The following MAD2L2 variants were observed in gnomAD, a reference collection of about 807,000 sequenced individuals.
The protein encoded by MAD2L2 is mitotic arrest deficient 2 like 2.
A neutral mutation model predicts 30.5 loss-of-function variants in MAD2L2; 17 were observed. The observed-to-expected ratio is 0.56, with a 90% confidence interval of 0.38 to 0.84. The LOEUF (loss-of-function observed/expected upper bound fraction) is 0.84. MAD2L2 is among the 40% of genes least tolerant of loss of function. The pLI is 0.00. For missense variants in MAD2L2, 213 were observed against 277.4 expected (o/e 0.77, Z 1.65); for synonymous variants, 101 against 113.9 (o/e 0.89, Z 0.72).
Position 11,675,737 on chromosome 1 carries a change from G to C in MAD2L2, c.428-6C>G. On this transcript the variant is annotated splice_region_variant and splice_polypyrimidine_tract_variant and intron_variant, in intron 6 of 8. Transcript: ENST00000376692. ...CAGGACTGTGAAGGTACAGCCTGGA[G>C]AGGCAAGAGGTTGGTGGAGGCTCCC... The C allele has an allele frequency of 6.2e-7, 1 of 1,613,726 alleles. No individual in the cohort carries two copies. Among genetic ancestry groups the C allele is most frequent in the Non-Finnish European group, 8.5e-7 (1 of 1,179,750 alleles).
intron 3 of MAD2L2, among the ~76,000 whole-genome samples, chr1:11,678,749 A>C (rs28924102): frequency 0.21 from 31,381 of 152,070 alleles, 4,667 homozygotes; most frequent in African/African-American, 0.42. Flanking sequence ...TGGATAAACC[A>C]ATCAAATATC....
chr1:11,676,213 G>C lies in MAD2L2; in HGVS notation c.333-73C>G. 3.0e-6 allele frequency: 3 copies of C among 985,900 alleles called. No individual in the cohort carries two copies. In the South Asian group the frequency reaches 4.7e-5, roughly 15 times the overall value. 61.1% of individuals were successfully genotyped at this position (985,900 alleles called of 1,614,324 possible). A position where few individuals can be genotyped will look rare whatever the true frequency, so the allele number is the denominator to read the frequency against. On this transcript the variant is annotated intron_variant, in intron 5 of 8. Coordinates refer to ENST00000376692, the MANE Select transcript of MAD2L2 (RefSeq NM_006341.4). ...ACCACAGGCATCAAGCCTGGATGCA[G>C]ACCTGGGGTACAAGACCCCCTCCAG...
At chr1:11,680,720 G>A (rs1640859876) in intron 1 of MAD2L2, 107 bp from the exon 2 acceptor site, 12 of 1,460,768 alleles carry the variant, frequency 8.2e-6, no homozygotes, top group Non-Finnish European at 1.1e-5. Flanking sequence ...AACTGGGGAA[G>A]GACCTCCCGC....
chr1:11,686,547 T>A lies in MAD2L2; in HGVS notation c.-691-4531A>T, dbSNP rs773020428. ...TCCCAAAGCTCTGGGATTACTGGCA[T>A]AAGCCACCGCGCCTAGCTAATTTTT... is the stretch of plus-strand genomic sequence containing the variant. On this transcript the variant is annotated intron_variant, in intron 1 of 10. Coordinates refer to the MAD2L2 transcript ENST00000235310. Among the ~76,000 whole-genome samples, 3 of 152,300 alleles carry A rather than the reference T, an allele frequency of 2.0e-5. No homozygotes were observed. In the East Asian group the frequency reaches 5.8e-4, roughly 29 times the overall value.
In MAD2L2 at chr1:11,677,280, G is replaced by A. The variant is rs886710081; in HGVS notation, c.231+263C>T. On this transcript the variant is annotated intron_variant, in intron 4 of 8. Coordinates refer to ENST00000376692, the MANE Select transcript of MAD2L2 (RefSeq NM_006341.4). ...AGGGGACGGATGTGAGAAGAACCCC[G>A]AACCCTCTGGGGCAGCCCCTACTTA... The A allele has an allele frequency of 5.5e-4, 328 of 595,946 alleles. 1 individual carries two copies. Among genetic ancestry groups the A allele is most frequent in the African/African-American group, 2.2e-3 (121 of 53,824 alleles). The allele number at this position is 595,946 out of a possible 1,614,324, so 36.9% of individuals were successfully genotyped here. A position where few individuals can be genotyped will look rare whatever the true frequency, so the allele number is the denominator to read the frequency against.
Position 11,674,653 on chromosome 1 carries a change from G to T in MAD2L2, c.*122C>A. On this transcript the variant is annotated 3_prime_UTR_variant, in exon 9 of 9. Coordinates refer to ENST00000376692, the MANE Select transcript of MAD2L2 (RefSeq NM_006341.4). This position sits in a 1 kb window ranked among gnomAD's most constrained non-coding sequence, Gnocchi z 6.1. ...GACCTGAGCGGCCCCGGGCTGGGGC[G>T]GGCGATCCACACACAGAGGCGATAA... 1 of 1,064,074 alleles carries T rather than the reference G, an allele frequency of 9.4e-7. No homozygotes were observed. The highest frequency in any genetic ancestry group is 1.4e-6 in the Non-Finnish European group (1 of 705,990). The allele number at this position is 1,064,074 out of a possible 1,614,324, so 65.9% of individuals were successfully genotyped here. A position where few individuals can be genotyped will look rare whatever the true frequency, so the allele number is the denominator to read the frequency against.
upstream of MAD2L2, among the ~76,000 whole-genome samples, chr1:11,683,257 G>A (rs1232233020): frequency 2.0e-5 from 3 of 152,076 alleles, no homozygotes; most frequent in Non-Finnish European, 2.9e-5. Flanking sequence ...AACACAATAC[G>A]AGCCACCCGT....
chr1:11,688,584 CA>C lies in MAD2L2; in HGVS notation c.-692+2828del, dbSNP rs1641004603. Among the ~76,000 whole-genome samples, 1 of 151,784 alleles carries C rather than the reference CA, an allele frequency of 6.6e-6. No individual in the cohort carries two copies. The highest frequency in any genetic ancestry group is 2.1e-4 in the South Asian group (1 of 4,822). ...TCAAAAAAAAAAAAGAAAAAGCAAT[CA>C]GCAAACCTGCTAAAAACCTAAGTCG... On this transcript the variant is annotated intron_variant, in intron 1 of 10. Transcript: ENST00000235310. This position sits in a 1 kb window ranked among gnomAD's most constrained non-coding sequence, Gnocchi z 4.6.
Position 11,675,644 on chromosome 1 carries a change from C to T in MAD2L2, c.501+14G>A. ...CTAGAGCCTGCGCCCAGACCCAGAC[C>T]CATCTCATCTCACCTTGATGACCTG... On this transcript the variant is annotated intron_variant, in intron 7 of 8. Transcript: ENST00000376692. 1 of 1,613,492 alleles carries T rather than the reference C, an allele frequency of 6.2e-7. No homozygotes were observed. Among genetic ancestry groups the T allele is most frequent in the Admixed American group, 1.7e-5 (1 of 60,016 alleles).
At chr1:11,684,194 G>A (rs539243288), upstream of MAD2L2, among the ~76,000 whole-genome samples, 11 of 152,124 alleles carry the variant, frequency 7.2e-5, no homozygotes, top group Non-Finnish European at 1.6e-4. Flanking sequence ...GCAGGGGGCC[G>A]AGTCAGCATG....
At chr1:11,686,923 A>C (rs911612506) in intron 1 of MAD2L2, among the ~76,000 whole-genome samples, 5 of 151,986 alleles carry the variant, frequency 3.3e-5, no homozygotes, top group African/African-American at 1.2e-4. Flanking sequence ...AATGTTGTAC[A>C]TCGCTACTCT....
Position 11,677,206 on chromosome 1 carries a change from A to G in MAD2L2, c.232-258T>C, listed in dbSNP as rs146770353. 685 of 604,190 alleles carry G rather than the reference A, an allele frequency of 1.1e-3. 4 individuals are homozygous for G. Among genetic ancestry groups the G allele is most frequent in the African/African-American group, 0.011 (590 of 54,066 alleles). 37.4% of individuals were successfully genotyped at this position (604,190 alleles called of 1,614,324 possible). A position where few individuals can be genotyped will look rare whatever the true frequency, so the allele number is the denominator to read the frequency against. On this transcript the variant is annotated intron_variant, in intron 4 of 8. Transcript: ENST00000376692. ...AGTCTGAGATCAGGACTAGATGGGG[A>G]AGAAACCCTGAGGGGCTCAGCTCAG...
intron 1 of MAD2L2, 129 bp downstream of exon 1, chr1:11,680,906 AGCGG>A: frequency 1.7e-6 from 1 of 592,198 alleles, no homozygotes; most frequent in South Asian, 6.9e-5. Context: ...AGAGGGAAAC[AGCGG>A]GATGCCCAGG....
chr1:11,678,979 C>A (rs544291839), intron 3 of MAD2L2, among the ~76,000 whole-genome samples: 63 of 152,238 alleles, frequency 4.1e-4, no homozygotes, highest in African/African-American at 1.5e-3. Context: ...GCCTGGCCAA[C>A]ACGGCGAAAC....
upstream of MAD2L2, among the ~76,000 whole-genome samples, chr1:11,683,970 C>A (rs1268106317): frequency 6.6e-6 from 1 of 152,026 alleles, no homozygotes; most frequent in Non-Finnish European, 1.5e-5. Context: ...AGAACTCCAT[C>A]TCAAAAAAAC....
chr1:11,680,512 C>G (rs1640855054), intron 2 of MAD2L2, 41 bp from the exon 3 acceptor site: 1 of 1,610,988 alleles, frequency 6.2e-7, no homozygotes, highest in Non-Finnish European at 8.5e-7. Flanking sequence ...CGAGGAAGCC[C>G]GCCGGCCCAG....
At chr1:11,686,807 TAAAAAA>T (rs560855200) in intron 1 of MAD2L2, among the ~76,000 whole-genome samples, 2 of 104,490 alleles carry the variant, frequency 1.9e-5, no homozygotes, top group African/African-American at 3.4e-5. Context: ...ACTGCCACTT[TAAAAAA>T]AAAAAAAAAA....
At chr1:11,691,594 C>T (rs1641068817) in exon 1 of MAD2L2, 6 of 151,430 alleles carry the variant, frequency 4.0e-5, no homozygotes, top group Admixed American at 3.3e-4. Flanking sequence ...CCGGGCCCGG[C>T]CCCGGGGCTG....
At position 11,688,805 on chromosome 1, in the gene MAD2L2, G is replaced by A. The variant is rs750774538; in HGVS notation, c.-692+2608C>T. Among the ~76,000 whole-genome samples, 1 of 152,154 alleles carries A rather than the reference G, an allele frequency of 6.6e-6. No individual in the cohort carries two copies. The highest frequency in any genetic ancestry group is 2.1e-4 in the South Asian group (1 of 4,832). On this transcript the variant is annotated intron_variant, in intron 1 of 10. Transcript: ENST00000235310. This position sits in a 1 kb window ranked among gnomAD's most constrained non-coding sequence, Gnocchi z 4.6. Reference sequence around the variant, plus strand: ...CATTCTAAGTCACAGTATGAGACAGGAGATCAGCACAAGATACAGGTCATA... The same window carrying A: ...CATTCTAAGTCACAGTATGAGACAGAAGATCAGCACAAGATACAGGTCATA...
Sources: allele counts gnomAD v4.1 joint callset (sites outside exome capture counted in the v4.1 genomes callset), GRCh38; gene constraint gnomAD v4.1.1; non-coding constraint Gnocchi (gnomAD v3.1); transcripts MANE v1.5; gene names NCBI Gene and HGNC (gene_info 2026-07-23, HGNC 2026-07-21).